PIP5K1B: variants seen among roughly 807,000 people sequenced by gnomAD.
The protein encoded by PIP5K1B is phosphatidylinositol-4-phosphate 5-kinase type 1 beta.
In PIP5K1B, 42 loss-of-function variants were observed where a neutral mutation model predicts 67.0. The observed-to-expected ratio is 0.63, with a 90% CI of 0.49 to 0.81. The LOEUF (loss-of-function observed/expected upper bound fraction) is 0.81, where lower values mean the gene tolerates loss of function less well. Among genes scored for constraint, PIP5K1B ranks in the 30% least tolerant of loss-of-function variants. The pLI, the probability that PIP5K1B is intolerant of heterozygous loss-of-function variation, is 0.00. For missense variants in PIP5K1B, 459 were observed against 646.3 expected (o/e 0.71, Z 3.14); for synonymous variants, 214 against 231.4 (o/e 0.92, Z 0.68).
At chr9:68,882,287 T>A (rs1824235915) in intron 6 of PIP5K1B, among the ~76,000 whole-genome samples, 1 of 152,170 alleles carries the variant, frequency 6.6e-6, no homozygotes, top group South Asian at 2.1e-4. Flanking sequence ...GTAACCAAGT[T>A]GTAGAGTGAG....
intron 2 of PIP5K1B, among the ~76,000 whole-genome samples, chr9:68,792,438 T>C (rs1028762609): frequency 6.7e-6 from 1 of 150,278 alleles, no homozygotes. Context: ...TATTCAGCAT[T>C]TACTGTGGCA....
chr9:68,919,264 T>C (rs570237521), intron 9 of PIP5K1B, among the ~76,000 whole-genome samples: 1 of 152,262 alleles, frequency 6.6e-6, no homozygotes, highest in East Asian at 1.9e-4. Flanking sequence ...TAGGGAAGTA[T>C]TAATACATCA....
chr9:68,839,666 A>C (rs942658167), intron 4 of PIP5K1B, among the ~76,000 whole-genome samples: 77 of 152,316 alleles, frequency 5.1e-4, no homozygotes, highest in African/African-American at 1.9e-3. Context: ...ATTTAGGAAA[A>C]TTAACTTGAA....
At chr9:68,788,964 G>A (rs1831797747) in intron 2 of PIP5K1B, 1 of 327,862 alleles carries the variant, frequency 3.1e-6, no homozygotes, top group South Asian at 3.6e-5. Flanking sequence ...CACAAGGATG[G>A]AAGCTGATAT....
chr9:68,973,359 G>A (rs7019263), intron 14 of PIP5K1B, among the ~76,000 whole-genome samples: 7,178 of 152,230 alleles, frequency 0.047, 401 homozygotes, highest in African/African-American at 0.14. Flanking sequence ...TTTAGTAATA[G>A]CCATTAAGAA....
intron 13 of PIP5K1B, chr9:68,935,825 A>T (rs1479833064): frequency 6.6e-6 from 1 of 152,238 alleles, no homozygotes; most frequent in Non-Finnish European, 1.5e-5. Flanking sequence ...TGAAAGCTTC[A>T]TAACCATGAG....
At chr9:68,905,014 G>A (rs1346224032) in intron 8 of PIP5K1B, among the ~76,000 whole-genome samples, 1 of 152,040 alleles carries the variant, frequency 6.6e-6, no homozygotes, top group African/African-American at 2.4e-5. Flanking sequence ...GTTAAGGAGA[G>A]CTAAAATCTT....
At chr9:68,748,001 A>T (rs1358321941) in intron 2 of PIP5K1B, among the ~76,000 whole-genome samples, 1 of 152,174 alleles carries the variant, frequency 6.6e-6, no homozygotes, top group East Asian at 1.9e-4. Flanking sequence ...TATTTTCACC[A>T]TTCCAAAATA....
intron 14 of PIP5K1B, among the ~76,000 whole-genome samples, chr9:68,976,433 C>G (rs1341011899): frequency 1.3e-5 from 2 of 152,194 alleles, no homozygotes; most frequent in Non-Finnish European, 2.9e-5. Flanking sequence ...CAGGAAAATT[C>G]AATGTCTTAC....
intron 2 of PIP5K1B, among the ~76,000 whole-genome samples, chr9:68,766,851 A>G (rs560242260): frequency 1.3e-5 from 2 of 152,342 alleles, no homozygotes; most frequent in African/African-American, 4.8e-5. Flanking sequence ...CTATGGAGAT[A>G]GGTGAAGTAA....
intron 1 of PIP5K1B, among the ~76,000 whole-genome samples, chr9:68,719,418 G>A (rs982861720): frequency 3.9e-5 from 6 of 152,134 alleles, no homozygotes; most frequent in African/African-American, 1.4e-4. Flanking sequence ...TGGAAAACAA[G>A]TTCAATATCC....
At chr9:68,913,648 C>G (rs1825954264) in intron 8 of PIP5K1B, among the ~76,000 whole-genome samples, 1 of 151,904 alleles carries the variant, frequency 6.6e-6, no homozygotes, top group Admixed American at 6.6e-5. Context: ...GTGATTTTTC[C>G]CAACCCAAAC....
At chr9:68,855,853 A>G (rs549620485) in intron 4 of PIP5K1B, among the ~76,000 whole-genome samples, 1 of 152,312 alleles carries the variant, frequency 6.6e-6, no homozygotes, top group African/African-American at 2.4e-5. Context: ...AAGTGGGACA[A>G]CCTCTTGCTT....
intron 2 of PIP5K1B, among the ~76,000 whole-genome samples, chr9:68,813,364 A>G (rs542505947): frequency 4.2e-4 from 64 of 152,332 alleles, no homozygotes; most frequent in African/African-American, 1.3e-3. Flanking sequence ...CGTGTTGACT[A>G]TGAGGAGATA....
intron 1 of PIP5K1B, among the ~76,000 whole-genome samples, chr9:68,741,411 A>G (rs1463897289): frequency 2.6e-5 from 4 of 152,184 alleles, no homozygotes; most frequent in African/African-American, 4.8e-5. Flanking sequence ...CTGTAAGTAC[A>G]GTCAGTTGAT....
chr9:68,920,264 C>T (rs1826299294), intron 11 of PIP5K1B, among the ~76,000 whole-genome samples: 1 of 149,686 alleles, frequency 6.7e-6, no homozygotes, highest in Admixed American at 6.7e-5. Flanking sequence ...CAGTGTTCAA[C>T]ACAATGCCTA....
chr9:68,978,936 C>T (rs1829761131), intron 14 of PIP5K1B, among the ~76,000 whole-genome samples: 1 of 152,172 alleles, frequency 6.6e-6, no homozygotes, highest in African/African-American at 2.4e-5. Context: ...TGTCGGTGAT[C>T]CATCTCAAAT....
chr9:68,911,642 G>A (rs898676605), intron 8 of PIP5K1B, among the ~76,000 whole-genome samples: 2 of 152,126 alleles, frequency 1.3e-5, no homozygotes, highest in South Asian at 4.1e-4. Flanking sequence ...TGTAATCCCA[G>A]CACTTTAGGA....
At chr9:68,842,905 G>C (rs1326068227) in intron 4 of PIP5K1B, among the ~76,000 whole-genome samples, 3 of 152,226 alleles carry the variant, frequency 2.0e-5, no homozygotes, top group Non-Finnish European at 1.5e-5. Flanking sequence ...AGCTTGGCTT[G>C]TGGAATAAAC....
Sources: gnomAD v4.1 joint callset for allele counts (sites outside exome capture counted in the v4.1 genomes callset) on GRCh38, gnomAD v4.1.1 for gene constraint, MANE v1.5 for transcripts, NCBI Gene and HGNC (gene_info 2026-07-23, HGNC 2026-07-21) for gene names.